The following MAGI2 variants were observed in gnomAD, a reference collection of about 807,000 sequenced individuals.
MAGI2 encodes the protein membrane-associated guanylate kinase, WW and PDZ domain-containing protein 2.
In MAGI2, 35 loss-of-function variants were observed where a neutral mutation model predicts 133.3. The ratio of observed to expected loss-of-function variants is 0.26; its 90% CI spans 0.20 to 0.35. MAGI2 has a LOEUF of 0.35. Among genes scored for constraint, MAGI2 ranks in the 10% least tolerant of loss-of-function variants. The probability of loss-of-function intolerance (pLI) is 1.00; values close to 1 mark genes in which losing one functional copy is unlikely to be tolerated. For missense variants in MAGI2, 1,636 were observed against 1,863.4 expected (o/e 0.88, Z 2.25); for synonymous variants, 729 against 710.6 (o/e 1.03, Z -0.41).
At chr7:78,065,716 G>A (rs1813737709) in intron 21 of MAGI2, 1 of 582,446 alleles carries the variant, frequency 1.7e-6, no homozygotes. Context: ...AACAGAACCA[G>A]TAACAAAGAT....
chr7:78,028,439 G>C (rs1173580657), intron 21 of MAGI2, among the ~76,000 whole-genome samples: 1 of 152,206 alleles, frequency 6.6e-6, no homozygotes, highest in Non-Finnish European at 1.5e-5. Context: ...AAATCTCATG[G>C]ATAGGTGGGG....
rs59163698 is a variant in MAGI2, at chr7:78,085,583, A to AC, written c.3568-6499_3568-6498insG. Among the ~76,000 whole-genome samples the AC allele has an allele frequency of 2.8e-3, 292 of 105,280 alleles. 3 individuals are homozygous for AC. The highest frequency in any genetic ancestry group is 0.014 in the East Asian group (64 of 4,514). 69.1% of individuals were successfully genotyped at this position (105,280 alleles called of 152,430 possible). A position where few individuals can be genotyped will look rare whatever the true frequency, so the allele number is the denominator to read the frequency against. ...ACACACACACACACACACACACACA[A>AC]ACAAAACAAAATCAAACCCAAAAAA... is the stretch of plus-strand genomic sequence containing the variant. On this transcript the variant is annotated intron_variant, in intron 20 of 21. Coordinates refer to ENST00000354212, the MANE Select transcript of MAGI2 (RefSeq NM_012301.4).
intron 2 of MAGI2, among the ~76,000 whole-genome samples, chr7:78,846,428 G>C (rs531372201): frequency 6.6e-6 from 1 of 152,066 alleles, no homozygotes; most frequent in East Asian, 1.9e-4. Flanking sequence ...TGCAAACAGT[G>C]TGGCTGTCTT....
chr7:78,469,997 G>T (rs1168661748), intron 6 of MAGI2, among the ~76,000 whole-genome samples: 1 of 152,136 alleles, frequency 6.6e-6, no homozygotes, highest in Non-Finnish European at 1.5e-5. Context: ...GCTAAATGCC[G>T]TAGACACATG....
rs909219035 is a variant in MAGI2 at position 78,813,803 on chromosome 7, A to AC, written c.419-186565_419-186564insG. On this transcript the variant is annotated intron_variant, in intron 2 of 21. Transcript: ENST00000354212. ...TCTGTCTCAAAAAAAAAAAAAAAAA[A>AC]ACACAAAAAGCAACAAAAAACTATC... Among the ~76,000 whole-genome samples, 72 of 150,938 alleles carry AC rather than the reference A, an allele frequency of 4.8e-4. 1 individual carries two copies. In the East Asian group the frequency reaches 0.012, roughly 24 times the overall value.
intron 1 of MAGI2, among the ~76,000 whole-genome samples, chr7:79,425,783 TG>T (rs1847330670): frequency 6.6e-6 from 1 of 150,674 alleles, no homozygotes; most frequent in Admixed American, 6.6e-5. Flanking sequence ...GAGAGAGGGT[TG>T]GGGGATGGAG....
At chr7:78,739,460 G>C (rs1276809877) in intron 2 of MAGI2, among the ~76,000 whole-genome samples, 1 of 152,166 alleles carries the variant, frequency 6.6e-6, no homozygotes, top group Non-Finnish European at 1.5e-5. Flanking sequence ...CTACTGAAAT[G>C]AGAGATTTTT....
At chr7:78,792,459 A>C (rs1197053890) in intron 2 of MAGI2, among the ~76,000 whole-genome samples, 2 of 152,238 alleles carry the variant, frequency 1.3e-5, no homozygotes, top group African/African-American at 4.8e-5. Context: ...AAGATGATAA[A>C]AGAGGCAAGG....
rs540126787 is a variant in MAGI2 at position 79,372,306 on chromosome 7, T to A, written c.301+80714A>T. ...GAAACTATCCCAGGAGATGTATGAT[T>A]ATTCAGGTAGCTAACAGGAGGATTT... On this transcript the variant is annotated intron_variant, in intron 1 of 21. Transcript: ENST00000354212. Among the ~76,000 whole-genome samples, 4 of 152,216 alleles carry A rather than the reference T, an allele frequency of 2.6e-5. No individual in the cohort carries two copies. In the East Asian group the frequency reaches 7.7e-4, roughly 29 times the overall value.
chr7:78,922,083 A>G (rs920880612), intron 2 of MAGI2, among the ~76,000 whole-genome samples: 6 of 151,924 alleles, frequency 3.9e-5, no homozygotes, highest in Middle Eastern at 3.2e-3. Context: ...ATGCTTTATC[A>G]GTTGGTTCTT....
At chr7:79,445,211 C>T (rs1047990964) in intron 1 of MAGI2, among the ~76,000 whole-genome samples, 3 of 152,056 alleles carry the variant, frequency 2.0e-5, no homozygotes, top group African/African-American at 7.2e-5. Flanking sequence ...CCATAAAAAC[C>T]CTAGAAGAAA....
chr7:79,217,809 T>C (rs1482297148), intron 1 of MAGI2, among the ~76,000 whole-genome samples: 1 of 152,022 alleles, frequency 6.6e-6, no homozygotes. Context: ...ATTTTGGGTA[T>C]AAACAAAGTA....
At chr7:78,510,323 G>A (rs116903973) in intron 4 of MAGI2, among the ~76,000 whole-genome samples, 22 of 152,124 alleles carry the variant, frequency 1.4e-4, no homozygotes, top group South Asian at 4.2e-4. Flanking sequence ...TGTACAATGG[G>A]GATAATGAAG....
At chr7:79,296,394 T>C (rs1288666868) in intron 1 of MAGI2, among the ~76,000 whole-genome samples, 2 of 152,220 alleles carry the variant, frequency 1.3e-5, no homozygotes, top group Admixed American at 6.5e-5. Flanking sequence ...CCCGTATTTA[T>C]TGTGGCACTA....
At chr7:78,268,617 G>A (rs77234204) in intron 9 of MAGI2, among the ~76,000 whole-genome samples, 1,767 of 152,212 alleles carry the variant, frequency 0.012, 40 homozygotes, top group African/African-American at 0.04. Context: ...ATTCAGACTT[G>A]TCTTCCAACT....
chr7:78,607,696 G>A (rs1203090550), intron 3 of MAGI2, among the ~76,000 whole-genome samples: 1 of 152,090 alleles, frequency 6.6e-6, no homozygotes. Flanking sequence ...ACAAAATACT[G>A]GTCCAATAAC....
At chr7:78,490,069 A>G (rs750731804) in intron 5 of MAGI2, 4 of 470,772 alleles carry the variant, frequency 8.5e-6, no homozygotes, top group African/African-American at 2.0e-5. Context: ...ATTAAAATCA[A>G]CTAGAATGTT....
intron 2 of MAGI2, among the ~76,000 whole-genome samples, chr7:78,821,486 C>A (rs1374978973): frequency 6.6e-6 from 1 of 151,860 alleles, no homozygotes; most frequent in Admixed American, 6.6e-5. Flanking sequence ...TGAAAACACA[C>A]GTTTTAAATG....
chr7:78,782,514 A>AT (rs776320363), intron 2 of MAGI2, among the ~76,000 whole-genome samples: 5 of 152,098 alleles, frequency 3.3e-5, no homozygotes, highest in Non-Finnish European at 5.9e-5. Flanking sequence ...AGATTTAGGG[A>AT]TCCCCTAGGG....
Sources: allele counts gnomAD v4.1 joint callset (sites outside exome capture counted in the v4.1 genomes callset), GRCh38; gene constraint gnomAD v4.1.1; transcripts MANE v1.5; gene names NCBI Gene and HGNC (gene_info 2026-07-23, HGNC 2026-07-21).